STAU2: variants seen among roughly 807,000 people sequenced by gnomAD.
The protein encoded by STAU2 is double-stranded RNA-binding protein Staufen homolog 2.
Under a neutral mutation model 65.9 loss-of-function variants are expected in STAU2, and 20 were observed. The observed-to-expected ratio is 0.30, with a 90% CI of 0.21 to 0.44. The LOEUF (loss-of-function observed/expected upper bound fraction) is 0.44. Ranked by LOEUF, STAU2 falls within the 20% of genes least tolerant of loss-of-function variation. The pLI is 1.00. For missense variants in STAU2, 558 were observed against 683.9 expected (o/e 0.82, Z 2.05); for synonymous variants, 232 against 233.9 (o/e 0.99, Z 0.07).
chr8:73,456,864 G>C (rs1362560151), intron 13 of STAU2, among the ~76,000 whole-genome samples: 1 of 152,186 alleles, frequency 6.6e-6, no homozygotes, highest in Non-Finnish European at 1.5e-5. Context: ...GAGTTGTACA[G>C]AACATTTTAT....
intron 13 of STAU2, chr8:73,458,585 T>C (rs1198073263): frequency 1.4e-5 from 2 of 146,360 alleles, no homozygotes; most frequent in Non-Finnish European, 3.0e-5. Context: ...TAGAAGCTTC[T>C]TTTAAAAAAA....
intron 1 of STAU2, among the ~76,000 whole-genome samples, chr8:73,742,981 G>A (rs1806989416): frequency 7.2e-5 from 11 of 151,952 alleles, no homozygotes; most frequent in Admixed American, 7.2e-4. Context: ...TGTCTTATTT[G>A]ACAACATGAA....
intron 6 of STAU2, among the ~76,000 whole-genome samples, chr8:73,654,812 G>A (rs1296352789): frequency 2.1e-5 from 3 of 145,668 alleles, no homozygotes; most frequent in African/African-American, 5.1e-5. Flanking sequence ...TCAGCCTCCT[G>A]TGTAGCTGGG....
At chr8:73,575,265 A>G (rs1397556820) in intron 12 of STAU2, among the ~76,000 whole-genome samples, 1 of 152,178 alleles carries the variant, frequency 6.6e-6, no homozygotes, top group East Asian at 1.9e-4. Flanking sequence ...TCTTAATAAG[A>G]GAAATGCAAA....
chr8:73,708,254 TAAG>T lies in STAU2; in HGVS notation c.114+775_114+777del, dbSNP rs148859591. On this transcript the variant is annotated intron_variant, in intron 4 of 14. Coordinates refer to ENST00000524300, the MANE Select transcript of STAU2 (RefSeq NM_001164380.2). Reference sequence around the variant, plus strand: ...CAAATAACCTAATAGCCAGTTGCTTTAAGAAGATTAATCAACCCTTAGAGAACA... The same window carrying T: ...CAAATAACCTAATAGCCAGTTGCTTTAAGATTAATCAACCCTTAGAGAACA... 3.0e-3 allele frequency among the ~76,000 whole-genome samples: 452 copies of T among 152,356 alleles called. 1 individual carries two copies. Among genetic ancestry groups the T allele is most frequent in the African/African-American group, 0.01 (428 of 41,594 alleles).
At chr8:73,460,134 C>G (rs574347196) in intron 13 of STAU2, among the ~76,000 whole-genome samples, 2 of 152,214 alleles carry the variant, frequency 1.3e-5, no homozygotes, top group Non-Finnish European at 2.9e-5. Flanking sequence ...TCTTAAGATT[C>G]CCAGGGTCTT....
In STAU2 at chr8:73,727,121, TGAG is replaced by T. The variant is rs1343326967; in HGVS notation, c.-18+11160_-18+11162del. On this transcript the variant is annotated intron_variant, in intron 3 of 14. Transcript: ENST00000524300. Reference sequence around the variant, plus strand: ...GGCAGGTGCCTGTAATCCCAGCTACTGAGGAGGCTGAGGCAGGAGAATCCCTTG... The same window carrying T: ...GGCAGGTGCCTGTAATCCCAGCTACTGAGGCTGAGGCAGGAGAATCCCTTG... Among the ~76,000 whole-genome samples, 6 of 152,160 alleles carry T rather than the reference TGAG, an allele frequency of 3.9e-5. No individual in the cohort carries two copies. In the East Asian group the frequency reaches 9.7e-4, roughly 25 times the overall value.
chr8:73,737,159 G>A (rs1475927696), intron 3 of STAU2, among the ~76,000 whole-genome samples: 1 of 151,496 alleles, frequency 6.6e-6, no homozygotes, highest in Non-Finnish European at 1.5e-5. Context: ...GAGCGACCAC[G>A]CCTGGCCAAG....
intron 13 of STAU2, among the ~76,000 whole-genome samples, chr8:73,508,067 C>G (rs1303533081): frequency 6.6e-6 from 1 of 152,152 alleles, no homozygotes; most frequent in Admixed American, 6.5e-5. Flanking sequence ...TCCATATCAG[C>G]CATAAGGCTG....
intron 4 of STAU2, among the ~76,000 whole-genome samples, chr8:73,693,765 A>G (rs1231261932): frequency 6.6e-6 from 1 of 152,246 alleles, no homozygotes; most frequent in Non-Finnish European, 1.5e-5. Context: ...TGGCTTCGCC[A>G]TTTACTATGT....
At chr8:73,514,104 T>C (rs1204927979) in intron 13 of STAU2, among the ~76,000 whole-genome samples, 2 of 152,242 alleles carry the variant, frequency 1.3e-5, no homozygotes, top group Non-Finnish European at 2.9e-5. Context: ...CTCTGTTCTT[T>C]TGGTAGTCTA....
intron 13 of STAU2, among the ~76,000 whole-genome samples, chr8:73,436,440 A>G (rs1415308516): frequency 3.3e-5 from 5 of 151,704 alleles, no homozygotes; most frequent in Non-Finnish European, 4.4e-5. Flanking sequence ...TTACACGTAT[A>G]TTTATCTATT....
chr8:73,696,881 G>T (rs569823247), intron 4 of STAU2, among the ~76,000 whole-genome samples: 21 of 152,118 alleles, frequency 1.4e-4, no homozygotes, highest in Middle Eastern at 6.8e-3. Context: ...ATACAAGAAG[G>T]TTATAGAACA....
chr8:73,725,848 G>A (rs1051027342), intron 3 of STAU2, among the ~76,000 whole-genome samples: 1 of 152,124 alleles, frequency 6.6e-6, no homozygotes, highest in East Asian at 1.9e-4. Context: ...TGGGAGGACT[G>A]CTTCAGCCTG....
At chr8:73,660,748 G>A (rs1000893175) in intron 6 of STAU2, among the ~76,000 whole-genome samples, 5 of 152,250 alleles carry the variant, frequency 3.3e-5, no homozygotes, top group Middle Eastern at 3.4e-3. Context: ...CCTGATATGC[G>A]CAGTTTTCTA....
At chr8:73,603,635 C>T (rs1382662264) in intron 10 of STAU2, 91 bp downstream of exon 10, 10 of 1,483,900 alleles carry the variant, frequency 6.7e-6, no homozygotes, top group Non-Finnish European at 9.0e-6. Context: ...TTACTTTCTG[C>T]TCTTAAGTCC....
chr8:73,648,387 C>T (rs1349995976), intron 6 of STAU2, among the ~76,000 whole-genome samples: 1 of 152,196 alleles, frequency 6.6e-6, no homozygotes, highest in African/African-American at 2.4e-5. Flanking sequence ...TAATCCAATT[C>T]TATAACTTAC....
chr8:73,423,385 T>C (rs1816550254), intron 13 of STAU2, among the ~76,000 whole-genome samples: 1 of 152,126 alleles, frequency 6.6e-6, no homozygotes, highest in African/African-American at 2.4e-5. Flanking sequence ...AAAAATGCCA[T>C]GCTGATAAGA....
intron 13 of STAU2, among the ~76,000 whole-genome samples, chr8:73,443,269 G>C (rs760328937): frequency 4.9e-4 from 74 of 152,214 alleles, no homozygotes; most frequent in Admixed American, 2.7e-3. Flanking sequence ...TTATCAAAAG[G>C]CTAGAAGAAT....
Sources: allele counts gnomAD v4.1 joint callset (sites outside exome capture counted in the v4.1 genomes callset), GRCh38; gene constraint gnomAD v4.1.1; transcripts MANE v1.5; gene names NCBI Gene and HGNC (gene_info 2026-07-23, HGNC 2026-07-21).